Variants in PDE4D observed in about 807,000 individuals in gnomAD.
PDE4D encodes 3',5'-cyclic-AMP phosphodiesterase 4D.
A neutral mutation model predicts 87.4 loss-of-function variants in PDE4D; 24 were observed. That is an observed-to-expected ratio of 0.27 (90% CI 0.20 to 0.39). The LOEUF (loss-of-function observed/expected upper bound fraction) is 0.39, where lower values mean the gene tolerates loss of function less well. PDE4D is among the 10% of genes least tolerant of loss of function. PDE4D has a pLI of 1.00. For synonymous variants in PDE4D, 384 were observed against 383.2 expected (o/e 1.00, Z -0.02); for missense variants, 714 against 1,041.0 (o/e 0.69, Z 4.32).
chr5:59,503,846 C>T (rs56396168), intron 1 of PDE4D, among the ~76,000 whole-genome samples: 29,065 of 152,050 alleles, frequency 0.19, 3,343 homozygotes, highest in Non-Finnish European at 0.26. Flanking sequence ...TCTAAAGGTT[C>T]TTAGGTGTAA....
At chr5:60,026,649 A>G (rs1471153484) in intron 2 of PDE4D, among the ~76,000 whole-genome samples, 2 of 152,162 alleles carry the variant, frequency 1.3e-5, no homozygotes, top group Non-Finnish European at 2.9e-5. Flanking sequence ...TGATAAGTCC[A>G]TTAGCCATCC....
intron 1 of PDE4D, among the ~76,000 whole-genome samples, chr5:60,271,094 A>G (rs929434974): frequency 6.6e-6 from 1 of 152,138 alleles, no homozygotes; most frequent in African/African-American, 2.4e-5. Context: ...AAGCTATTAC[A>G]TATGTATTTA....
Position 58,999,909 on chromosome 5 carries a change from T to A in PDE4D, c.922-6444A>T, listed in dbSNP as rs1041783860. 9.1e-6 allele frequency: 9 copies of A among 985,898 alleles called. No individual in the cohort carries two copies. The East Asian group carries it at 7.9e-4, about 86-fold the overall frequency. The allele number at this position is 985,898 out of a possible 1,614,324, so 61.1% of individuals were successfully genotyped here. A position where few individuals can be genotyped will look rare whatever the true frequency, so the allele number is the denominator to read the frequency against. ...TTAGTTGCAAGAAAGGCTAGTCCTG[T>A]CAAAAGCTACCAAATAAGGAACTGC... On this transcript the variant is annotated intron_variant, in intron 6 of 14. Coordinates refer to ENST00000340635, the MANE Select transcript of PDE4D (RefSeq NM_001104631.2).
At chr5:59,765,870 T>C (rs1211104823) in intron 1 of PDE4D, among the ~76,000 whole-genome samples, 1 of 152,234 alleles carries the variant, frequency 6.6e-6, no homozygotes, top group African/African-American at 2.4e-5. Flanking sequence ...ATATTATTGA[T>C]TTATTCTACC....
intron 1 of PDE4D, among the ~76,000 whole-genome samples, chr5:59,859,100 C>G (rs1745891497): frequency 6.6e-6 from 1 of 152,166 alleles, no homozygotes; most frequent in Non-Finnish European, 1.5e-5. Context: ...CCATTATAAT[C>G]TTTAGTAAGT....
intron 1 of PDE4D, among the ~76,000 whole-genome samples, chr5:60,323,173 T>C (rs74600874): frequency 0.019 from 2,952 of 152,304 alleles, 79 homozygotes; most frequent in African/African-American, 0.068. Flanking sequence ...TGTACACTTA[T>C]GATACACACG....
In PDE4D at chr5:60,086,665, C is replaced by G. The variant is rs76886688; in HGVS notation, c.43-97948G>C. On this transcript the variant is annotated intron_variant, in intron 2 of 16. Transcript: ENST00000502484. ...GATTTGCAATAATTCCATCTGCTGC[C>G]TAAATGCAAACACATGGTTGACAAC... Among the ~76,000 whole-genome samples the G allele has an allele frequency of 1.4e-3, 220 of 152,338 alleles. 1 individual carries two copies. Among genetic ancestry groups the G allele is most frequent in the African/African-American group, 5.0e-3 (207 of 41,578 alleles).
chr5:59,088,796 G>A (rs1237257540), intron 5 of PDE4D, among the ~76,000 whole-genome samples: 1 of 152,128 alleles, frequency 6.6e-6, no homozygotes. Context: ...GAGGGTGGAG[G>A]GTGGGAGGAG....
At chr5:60,340,694 TAAGTG>T (rs1758239660) in intron 1 of PDE4D, among the ~76,000 whole-genome samples, 1 of 151,132 alleles carries the variant, frequency 6.6e-6, no homozygotes, top group African/African-American at 2.4e-5. Flanking sequence ...AGTGGCTATT[TAAGTG>T]GAGTTTTATT....
chr5:58,992,171 T>C (rs1201382810), intron 7 of PDE4D, among the ~76,000 whole-genome samples, 167 bp from the exon 8 acceptor site: 2 of 152,212 alleles, frequency 1.3e-5, no homozygotes, highest in East Asian at 3.8e-4. Context: ...TTGGACTTAA[T>C]TTGATGTCTT....
chr5:59,158,966 T>C (rs1235544998), intron 5 of PDE4D, among the ~76,000 whole-genome samples: 1 of 152,240 alleles, frequency 6.6e-6, no homozygotes, highest in African/African-American at 2.4e-5. Flanking sequence ...CCTAAAGCTC[T>C]GGAGTAGTTA....
chr5:60,150,784 A>G (rs1241934021), intron 2 of PDE4D, among the ~76,000 whole-genome samples: 1 of 152,194 alleles, frequency 6.6e-6, no homozygotes, highest in Admixed American at 6.5e-5. Context: ...CTTCCCTGAA[A>G]GTATGGCCTA....
intron 2 of PDE4D, among the ~76,000 whole-genome samples, chr5:59,199,631 T>G (rs1042288013): frequency 6.6e-6 from 1 of 152,162 alleles, no homozygotes; most frequent in African/African-American, 2.4e-5. Context: ...TGACAACTTC[T>G]TTTAGAATTA....
chr5:59,083,470 T>TA (rs1488618379), intron 5 of PDE4D, among the ~76,000 whole-genome samples: 1 of 152,102 alleles, frequency 6.6e-6, no homozygotes, highest in African/African-American at 2.4e-5. Flanking sequence ...ATATCTTTTT[T>TA]ACTTTTCCAT....
At chr5:59,798,804 G>T (rs895636920) in intron 1 of PDE4D, among the ~76,000 whole-genome samples, 2 of 152,156 alleles carry the variant, frequency 1.3e-5, no homozygotes, top group Non-Finnish European at 2.9e-5. Flanking sequence ...GAAGGCTGGT[G>T]GTTGGGAAAA....
intron 3 of PDE4D, among the ~76,000 whole-genome samples, chr5:59,903,963 C>A (rs1212516747): frequency 6.6e-6 from 1 of 152,096 alleles, no homozygotes; most frequent in Non-Finnish European, 1.5e-5. Flanking sequence ...GACTTTTTGG[C>A]CAAGTTTTAC....
Position 59,989,107 on chromosome 5 carries a change from TATATATATACACAC to T in PDE4D, c.43-404_43-391del, listed in dbSNP as rs1350823568. On this transcript the variant is annotated intron_variant, in intron 2 of 16. Coordinates refer to the PDE4D transcript ENST00000502484. ...TGTGTCATATATATATATATATATA[TATATATATACACAC>T]ACACACATACAGTTATGCATCACTT... is the stretch of plus-strand genomic sequence containing the variant. Among the ~76,000 whole-genome samples the T allele has an allele frequency of 1.9e-4, 18 of 96,412 alleles. 1 individual carries two copies. The East Asian group carries it at 2.2e-3, about 12-fold the overall frequency. The allele number at this position is 96,412 out of a possible 152,430, so 63.3% of individuals were successfully genotyped here.
intron 2 of PDE4D, among the ~76,000 whole-genome samples, chr5:60,171,173 G>A (rs1043783472): frequency 5.9e-5 from 9 of 152,034 alleles, no homozygotes; most frequent in African/African-American, 2.2e-4. Flanking sequence ...AGCAAAAATA[G>A]TATACACAAA....
chr5:59,536,675 T>C (rs948767243), intron 1 of PDE4D, among the ~76,000 whole-genome samples: 2 of 152,160 alleles, frequency 1.3e-5, no homozygotes, highest in African/African-American at 2.4e-5. Context: ...TCAGCTGTTA[T>C]GACACATTTC....
Sources: gnomAD v4.1 joint callset for allele counts (sites outside exome capture counted in the v4.1 genomes callset) on GRCh38, gnomAD v4.1.1 for gene constraint, MANE v1.5 for transcripts, NCBI Gene and HGNC (gene_info 2026-07-23, HGNC 2026-07-21) for gene names.